Variants in JAK1 observed in about 807,000 individuals in gnomAD.
JAK1 encodes tyrosine-protein kinase JAK1.
Under a neutral mutation model 136.6 loss-of-function variants are expected in JAK1, and 16 were observed. That is an observed-to-expected ratio of 0.12 (90% confidence interval 0.08 to 0.18). The LOEUF (loss-of-function observed/expected upper bound fraction) is 0.18. Ranked by LOEUF, JAK1 falls within the 10% of genes least tolerant of loss-of-function variation. The probability of loss-of-function intolerance (pLI) is 1.00; values close to 1 mark genes in which losing one functional copy is unlikely to be tolerated. For missense variants in JAK1, 859 were observed against 1,450.1 expected (o/e 0.59, Z 6.62); for synonymous variants, 492 against 519.5 (o/e 0.95, Z 0.72).
At chr1:65,055,217 G>A (rs760493109) in intron 1 of JAK1, among the ~76,000 whole-genome samples, 1 of 152,038 alleles carries the variant, frequency 6.6e-6, no homozygotes, top group African/African-American at 2.4e-5. Flanking sequence ...TGAATTTAAC[G>A]ACTCTAGGAG....
chr1:64,868,002 C>T (rs1656812039), intron 6 of JAK1, among the ~76,000 whole-genome samples: 1 of 150,218 alleles, frequency 6.7e-6, no homozygotes, highest in Admixed American at 6.7e-5. Context: ...CCAAGCACCC[C>T]CACAAAAAAG....
chr1:64,854,294 G>A (rs1271663817), intron 11 of JAK1, among the ~76,000 whole-genome samples: 1 of 152,186 alleles, frequency 6.6e-6, no homozygotes, highest in Non-Finnish European at 1.5e-5. Context: ...ATGTGTCCCA[G>A]ATAAAGACTC....
chr1:64,854,926 C>T (rs1655832049), intron 11 of JAK1, among the ~76,000 whole-genome samples: 1 of 152,154 alleles, frequency 6.6e-6, no homozygotes, highest in Admixed American at 6.5e-5. Flanking sequence ...ACACTCAGTT[C>T]AAGAGCTGCC....
At chr1:64,937,694 T>C (rs991534071) in intron 1 of JAK1, among the ~76,000 whole-genome samples, 12 of 152,102 alleles carry the variant, frequency 7.9e-5, no homozygotes, top group African/African-American at 2.7e-4. Flanking sequence ...CTGGAAAATG[T>C]TGACCTCATT....
intron 1 of JAK1, among the ~76,000 whole-genome samples, chr1:64,907,140 C>T (rs1645203187): frequency 6.6e-6 from 1 of 152,148 alleles, no homozygotes. Flanking sequence ...AATTCAGATG[C>T]TTCCACAGCC....
intron 11 of JAK1, among the ~76,000 whole-genome samples, chr1:64,851,435 C>A (rs552810190): frequency 1.1e-4 from 17 of 152,258 alleles, no homozygotes; most frequent in African/African-American, 4.1e-4. Flanking sequence ...ATGATGGGAA[C>A]CAGAGGAGGA....
At chr1:64,883,198 A>T in intron 3 of JAK1, 79 bp downstream of exon 3, 1 of 1,212,076 alleles carries the variant, frequency 8.3e-7, no homozygotes, top group Non-Finnish European at 1.1e-6. Flanking sequence ...CAGCAGCGCT[A>T]CAAGGGGCAG....
At chr1:65,007,885 A>G (rs1355322805) in intron 2 of JAK1, among the ~76,000 whole-genome samples, 1 of 152,004 alleles carries the variant, frequency 6.6e-6, no homozygotes, top group East Asian at 1.9e-4. Flanking sequence ...AAGTGGGGCT[A>G]CAGGTGCACA....
At chr1:64,884,140 G>A (rs1644818782) in intron 2 of JAK1, among the ~76,000 whole-genome samples, 1 of 152,112 alleles carries the variant, frequency 6.6e-6, no homozygotes, top group African/African-American at 2.4e-5. Context: ...AGCACCAGGA[G>A]GGCAGGAGGA....
chr1:64,901,145 C>T lies in JAK1; in HGVS notation c.-77-14804G>A, dbSNP rs187754591. On this transcript the variant is annotated intron_variant, in intron 1 of 24. Transcript: ENST00000342505. ...GTACATACAACACCAAATAACAATG[C>T]CTAAGGCATGCCAGATATTCAATAA... Among the ~76,000 whole-genome samples the T allele has an allele frequency of 4.3e-4, 65 of 152,292 alleles. 1 individual carries two copies. The highest frequency in any genetic ancestry group is 8.1e-4 in the Non-Finnish European group (55 of 68,024).
At chr1:65,060,621 AAAG>A (rs1647752516) in intron 1 of JAK1, among the ~76,000 whole-genome samples, 1 of 152,194 alleles carries the variant, frequency 6.6e-6, no homozygotes, top group Non-Finnish European at 1.5e-5. Context: ...TTAGAAAAAA[AAAG>A]AAGCCAAGCA....
intron 2 of JAK1, among the ~76,000 whole-genome samples, chr1:65,031,155 CAAAAAAAAAAAAAAA>C (rs375856684): frequency 1.5e-5 from 1 of 68,282 alleles, no homozygotes; most frequent in Non-Finnish European, 3.0e-5. Flanking sequence ...GACCCTATCT[CAAAAAAAAAAAAAAA>C]AAAAAAGGAA....
intron 1 of JAK1, among the ~76,000 whole-genome samples, chr1:64,909,770 G>T (rs1645251636): frequency 6.6e-6 from 1 of 152,100 alleles, no homozygotes; most frequent in Admixed American, 6.5e-5. Flanking sequence ...GCTGCAATGA[G>T]CTGTGACAGC....
intron 2 of JAK1, among the ~76,000 whole-genome samples, chr1:65,008,863 T>C (rs1015450154): frequency 6.6e-5 from 10 of 152,138 alleles, no homozygotes; most frequent in African/African-American, 2.4e-4. Context: ...AATTTTTAAA[T>C]TTTTTGTAGA....
upstream of JAK1, among the ~76,000 whole-genome samples, chr1:64,970,382 A>G (rs1048535015): frequency 7.2e-5 from 11 of 151,954 alleles, no homozygotes; most frequent in Non-Finnish European, 2.9e-5. Flanking sequence ...CAGAGGCTGC[A>G]GTGAGCCAAG....
intron 1 of JAK1, among the ~76,000 whole-genome samples, chr1:64,923,270 C>T (rs1483544798): frequency 6.6e-6 from 1 of 152,198 alleles, no homozygotes. Flanking sequence ...TAACACCTAT[C>T]TGTTTAAGGA....
intron 2 of JAK1, among the ~76,000 whole-genome samples, chr1:65,032,399 C>G (rs1198215502): frequency 6.6e-6 from 1 of 152,200 alleles, no homozygotes; most frequent in African/African-American, 2.4e-5. Flanking sequence ...CAGATACTGT[C>G]TGAGTACTGG....
chr1:64,868,236 G>A (rs974004437), intron 6 of JAK1, among the ~76,000 whole-genome samples: 2 of 152,130 alleles, frequency 1.3e-5, no homozygotes, highest in Non-Finnish European at 2.9e-5. Context: ...TCAATGTTAA[G>A]AAGAACGTTG....
chr1:65,058,329 G>A (rs1647640037), intron 1 of JAK1: 2 of 516,884 alleles, frequency 3.9e-6, no homozygotes, highest in South Asian at 1.4e-5. Flanking sequence ...TGACAGAGGT[G>A]CAGGGTAAGA....
Sources: allele counts gnomAD v4.1 joint callset (sites outside exome capture counted in the v4.1 genomes callset), GRCh38; gene constraint gnomAD v4.1.1; transcripts MANE v1.5; gene names NCBI Gene and HGNC (gene_info 2026-07-23, HGNC 2026-07-21).